The following PPP6R3 variants were observed in gnomAD, a reference collection of about 807,000 sequenced individuals.
The protein encoded by PPP6R3 is protein phosphatase 6 regulatory subunit 3.
In PPP6R3, 38 loss-of-function variants were observed where a neutral mutation model predicts 110.7. That is an observed-to-expected ratio of 0.34 (90% CI 0.26 to 0.45). The LOEUF is 0.45. PPP6R3 is among the 20% of genes least tolerant of loss of function. The probability of loss-of-function intolerance (pLI) is 1.00; values close to 1 mark genes in which losing one functional copy is unlikely to be tolerated. For synonymous variants in PPP6R3, 369 were observed against 373.5 expected (o/e 0.99, Z 0.14); for missense variants, 870 against 1,062.4 (o/e 0.82, Z 2.52).
intron 4 of PPP6R3, 125 bp from the exon 5 acceptor site, chr11:68,547,942 A>C: frequency 1.0e-6 from 1 of 953,092 alleles, no homozygotes; most frequent in Non-Finnish European, 1.5e-6. Flanking sequence ...TTGCTAATTC[A>C]GCATTTGCCA....
chr11:68,551,093 A>C (rs771316439), intron 5 of PPP6R3, 28 bp from the exon 6 acceptor site: 1 of 1,508,940 alleles, frequency 6.6e-7, no homozygotes, highest in South Asian at 1.2e-5. Context: ...ACTCATTGCT[A>C]TGATTACTTC....
In PPP6R3 at chr11:68,488,452, G is replaced by T. The variant is rs550761334; in HGVS notation, c.-158+27625G>T. Among the ~76,000 whole-genome samples the T allele has an allele frequency of 2.0e-5, 3 of 152,316 alleles. No individual in the cohort carries two copies. In the South Asian group the frequency reaches 6.2e-4, roughly 32 times the overall value. On this transcript the variant is annotated intron_variant, in intron 1 of 23. Coordinates refer to ENST00000393800, the MANE Select transcript of PPP6R3 (RefSeq NM_001164161.2). Reference sequence around the variant, plus strand: ...GCCTCCCAAAGAGTTGGGATTATAGGTGTGAGCCCAGCCCCCCATTCCTTT... The same window carrying T: ...GCCTCCCAAAGAGTTGGGATTATAGTTGTGAGCCCAGCCCCCCATTCCTTT...
chr11:68,592,697 A>G (rs968008427), intron 18 of PPP6R3, among the ~76,000 whole-genome samples: 6 of 152,238 alleles, frequency 3.9e-5, no homozygotes, highest in Non-Finnish European at 5.9e-5. Context: ...TATGATCACA[A>G]GATAGCTGCT....
intron 19 of PPP6R3, among the ~76,000 whole-genome samples, chr11:68,599,919 T>C (rs917847606): frequency 3.9e-5 from 6 of 152,108 alleles, no homozygotes; most frequent in South Asian, 4.1e-4. Flanking sequence ...GTCGGGATAT[T>C]GAGACCATCC....
chr11:68,508,420 G>A (rs1486571985), intron 1 of PPP6R3, among the ~76,000 whole-genome samples: 1 of 151,992 alleles, frequency 6.6e-6, no homozygotes, highest in Non-Finnish European at 1.5e-5. Flanking sequence ...GTGAGCCACC[G>A]TGCCTGGCCG....
At chr11:68,492,526 A>T (rs908366541) in intron 1 of PPP6R3, among the ~76,000 whole-genome samples, 1 of 152,222 alleles carries the variant, frequency 6.6e-6, no homozygotes, top group Non-Finnish European at 1.5e-5. Flanking sequence ...ATCAATGGAC[A>T]CTACAGTGCC....
intron 12 of PPP6R3, among the ~76,000 whole-genome samples, chr11:68,573,658 T>C (rs1304407550): frequency 2.0e-5 from 3 of 152,226 alleles, no homozygotes; most frequent in Non-Finnish European, 4.4e-5. Flanking sequence ...TTCATTGATA[T>C]AATAAAAATT....
At chr11:68,500,204 A>G (rs1436940958) in intron 1 of PPP6R3, among the ~76,000 whole-genome samples, 1 of 152,190 alleles carries the variant, frequency 6.6e-6, no homozygotes, top group Non-Finnish European at 1.5e-5. Flanking sequence ...CTTAGACTTG[A>G]AAGTTCTAGT....
At chr11:68,597,982 A>T (rs2510410) in intron 19 of PPP6R3, among the ~76,000 whole-genome samples, 1 of 141,566 alleles carries the variant, frequency 7.1e-6, no homozygotes, top group African/African-American at 2.5e-5. Flanking sequence ...CCATCTGGGG[A>T]AAAAAAAAAA....
intron 1 of PPP6R3, among the ~76,000 whole-genome samples, chr11:68,513,926 T>G (rs2099123072): frequency 6.6e-6 from 1 of 152,208 alleles, no homozygotes; most frequent in South Asian, 2.1e-4. Context: ...AGATCTTAGC[T>G]CTCTGAGCAA....
At chr11:68,538,898 T>C (rs1483011191) in intron 3 of PPP6R3, among the ~76,000 whole-genome samples, 3 of 152,302 alleles carry the variant, frequency 2.0e-5, no homozygotes, top group South Asian at 4.1e-4. Context: ...GGCAGGTGGA[T>C]CACCTGAGGT....
intron 1 of PPP6R3, among the ~76,000 whole-genome samples, chr11:68,491,880 A>AG (rs2153439843): frequency 6.6e-6 from 1 of 152,084 alleles, no homozygotes; most frequent in South Asian, 2.1e-4. Context: ...TAAAAAAAAA[A>AG]CCACACAAAA....
Position 68,604,301 on chromosome 11 carries a change from A to G in PPP6R3, c.2450+809A>G, listed in dbSNP as rs113169733. ...ACACAATGTAAACACCAGTGTGTAC[A>G]TGGTAAAAATTATTCAGAGTAATTC... On this transcript the variant is annotated intron_variant, in intron 22 of 23. Coordinates refer to ENST00000393800, the MANE Select transcript of PPP6R3 (RefSeq NM_001164161.2). Among the ~76,000 whole-genome samples the G allele has an allele frequency of 5.3e-5, 8 of 152,378 alleles. 2 individuals carry two copies. Among genetic ancestry groups the G allele is most frequent in the African/African-American group, 1.7e-4 (7 of 41,592 alleles).
Position 68,614,512 on chromosome 11 carries a change from CCAA to C in PPP6R3, c.*1399_*1401del, listed in dbSNP as rs1944821456. ...ACCAAAAGGATATTCTGAAAAATGG[CCAA>C]CAATTTTTTTAGAAGTAGCATCCCA... On this transcript the variant is annotated 3_prime_UTR_variant, in exon 24 of 24. Transcript: ENST00000393800. 7.0e-7 allele frequency: 1 copy of C among 1,420,964 alleles called. No individual in the cohort carries two copies. The highest frequency in any genetic ancestry group is 1.5e-5 in the African/African-American group (1 of 66,856). The allele number at this position is 1,420,964 out of a possible 1,614,324, so 88.0% of individuals were successfully genotyped here. A position where few individuals can be genotyped will look rare whatever the true frequency, so the allele number is the denominator to read the frequency against.
intron 1 of PPP6R3, among the ~76,000 whole-genome samples, chr11:68,479,649 T>C (rs2098887120): frequency 6.6e-6 from 1 of 152,228 alleles, no homozygotes; most frequent in Non-Finnish European, 1.5e-5. Context: ...TTTCATTTTT[T>C]AAAGTCTTTT....
rs2099446686 is a variant in PPP6R3, at chr11:68,564,305, T to G, written c.848T>G (p.Phe283Cys). Residue 283 changes from phenylalanine (F) to cysteine (C), a missense_variant and splice_region_variant, in exon 9 of 24, where the codon TTT (phenylalanine) becomes TGT (cysteine). Phe to Cys is a radical substitution (Grantham distance 205). Coordinates refer to ENST00000393800, the MANE Select transcript of PPP6R3 (RefSeq NM_001164161.2). ...AAAATTCCTTGCTTTGTTTCAAGATTTGAAGGCCATATAGAGATCTGCCCA... is the reference window on the plus strand; with the variant it reads ...AAAATTCCTTGCTTTGTTTCAAGATGTGAAGGCCATATAGAGATCTGCCCA... ...LTLLETRRPTFEGHIEICPPG... is the reference protein window; with the variant it reads ...LTLLETRRPTCEGHIEICPPG... 6.2e-7 allele frequency: 1 copy of G among 1,603,040 alleles called. No homozygotes were observed. Among genetic ancestry groups the G allele is most frequent in the South Asian group, 1.1e-5 (1 of 89,086 alleles).
chr11:68,514,628 A>G (rs1165991371), intron 1 of PPP6R3, among the ~76,000 whole-genome samples: 7 of 152,192 alleles, frequency 4.6e-5, no homozygotes, highest in African/African-American at 7.2e-5. Context: ...TCTGACGCCC[A>G]GGCTGGAGTA....
rs2099633042 is a variant in PPP6R3 at position 68,601,934 on chromosome 11, C to T, written c.2264C>T (p.Thr755Ile). The change falls in exon 21 of 24, where the codon ACT becomes ATT. Residue 755 changes from threonine to isoleucine, a missense_variant. Coordinates refer to ENST00000393800, the MANE Select transcript of PPP6R3 (RefSeq NM_001164161.2). ...AGCACTGAACCCATGGACCCTCTGA[C>T]TCCCAGTGCGGCTGCCCTGGCAGTG... Reference protein sequence around the residue: ...ETSTEPMDPLTPSAAALAVQP... With the variant: ...ETSTEPMDPLIPSAAALAVQP... 2 of 1,613,270 alleles carry T rather than the reference C, an allele frequency of 1.2e-6. No homozygotes were observed.
chr11:68,584,904 C>CA (rs2099573428), intron 15 of PPP6R3, among the ~76,000 whole-genome samples: 1 of 152,164 alleles, frequency 6.6e-6, no homozygotes, highest in East Asian at 1.9e-4. Context: ...AAATACACTC[C>CA]AAAGCACTTC....
Sources: gnomAD v4.1 joint callset for allele counts (sites outside exome capture counted in the v4.1 genomes callset) on GRCh38, gnomAD v4.1.1 for gene constraint, MANE v1.5 for transcripts, NCBI Gene and HGNC (gene_info 2026-07-23, HGNC 2026-07-21) for gene names.